The following SFMBT1 variants were observed in gnomAD, a reference collection of about 807,000 sequenced individuals.
SFMBT1 encodes the protein Scm like with four mbt domains 1, also known as scm-like with four MBT domains protein 1.
Under a neutral mutation model 108.7 loss-of-function variants are expected in SFMBT1, and 32 were observed. That is an observed-to-expected ratio of 0.29 (90% CI 0.22 to 0.40). The LOEUF (loss-of-function observed/expected upper bound fraction) is 0.40. Among genes scored for constraint, SFMBT1 ranks in the 10% least tolerant of loss-of-function variants. SFMBT1 has a pLI of 1.00. For synonymous variants in SFMBT1, 348 were observed against 369.5 expected (o/e 0.94, Z 0.67); for missense variants, 816 against 1,059.6 (o/e 0.77, Z 3.19).
intron 2 of SFMBT1, among the ~76,000 whole-genome samples, chr3:52,964,551 G>A (rs192958082): frequency 5.1e-4 from 78 of 152,240 alleles, no homozygotes; most frequent in Admixed American, 4.3e-3. Flanking sequence ...GTATTTTCTA[G>A]CTATGTCTGT....
chr3:53,000,230 C>T (rs1269730637), intron 1 of SFMBT1, among the ~76,000 whole-genome samples: 1 of 147,038 alleles, frequency 6.8e-6, no homozygotes, highest in Non-Finnish European at 1.5e-5. Flanking sequence ...CGGTTTTATT[C>T]CTCCCTTTGT....
chr3:52,958,485 G>A (rs1256499642), intron 2 of SFMBT1, among the ~76,000 whole-genome samples: 1 of 152,204 alleles, frequency 6.6e-6, no homozygotes, highest in Non-Finnish European at 1.5e-5. Flanking sequence ...CATCTACTCA[G>A]GAGGCTGAGG....
intron 1 of SFMBT1, among the ~76,000 whole-genome samples, chr3:53,026,241 T>G (rs569347510): frequency 6.8e-4 from 103 of 152,254 alleles, no homozygotes; most frequent in African/African-American, 2.4e-3. Context: ...AAAAAGGCAC[T>G]TCATCTCTTC....
intron 4 of SFMBT1, among the ~76,000 whole-genome samples, chr3:52,938,667 T>A (rs1326407376): frequency 1.3e-5 from 2 of 151,980 alleles, no homozygotes; most frequent in East Asian, 3.9e-4. Flanking sequence ...ATTAGTGGGC[T>A]TATACAACTA....
At chr3:53,012,767 A>C (rs2106930495) in intron 1 of SFMBT1, among the ~76,000 whole-genome samples, 1 of 151,774 alleles carries the variant, frequency 6.6e-6, no homozygotes, top group Admixed American at 6.5e-5. Context: ...CCAAAAGTCA[A>C]AGGTTAGGGC....
chr3:52,945,914 G>A lies in SFMBT1; in HGVS notation c.124-2321C>T, dbSNP rs548103792. The stretch of plus-strand genomic sequence containing the variant: ...ACAGGATATCTGCAAAATCTCAAAG[G>A]TTCTCCCAGTAAGATTCTTATTAAC... On this transcript the variant is annotated intron_variant, in intron 3 of 20. Coordinates refer to ENST00000394752, the MANE Select transcript of SFMBT1 (RefSeq NM_016329.4). Among the ~76,000 whole-genome samples, 231 of 152,134 alleles carry A rather than the reference G, an allele frequency of 1.5e-3. 1 individual carries two copies. The highest frequency in any genetic ancestry group is 5.4e-3 in the African/African-American group (225 of 41,510).
intron 5 of SFMBT1, 68 bp downstream of exon 5, chr3:52,934,744 AC>A: frequency 7.5e-7 from 1 of 1,326,060 alleles, no homozygotes. Flanking sequence ...TAAATAAGCA[AC>A]CGATTTTAAG....
rs182919551 is a variant in SFMBT1, at chr3:52,972,873, C to T, written c.-130-3615G>A. ...ACACACACACACACACACACACACA[C>T]ACTAGCTGAGTGTGGTCGCGGGCAC... On this transcript the variant is annotated intron_variant, in intron 1 of 20. Transcript: ENST00000394752. 8.8e-4 allele frequency among the ~76,000 whole-genome samples: 132 copies of T among 150,204 alleles called. 1 individual carries two copies. The highest frequency in any genetic ancestry group is 3.0e-3 in the African/African-American group (120 of 40,242).
chr3:52,980,745 T>C (rs928943159), intron 1 of SFMBT1, among the ~76,000 whole-genome samples: 2 of 152,102 alleles, frequency 1.3e-5, no homozygotes, highest in African/African-American at 4.8e-5. Flanking sequence ...TTGTGTGAAT[T>C]ATGTTTTTAT....
At chr3:52,965,362 G>A in intron 2 of SFMBT1, among the ~76,000 whole-genome samples, 1 of 149,638 alleles carries the variant, frequency 6.7e-6, no homozygotes, top group Non-Finnish European at 1.5e-5. Context: ...GGACCTGTGG[G>A]ACAATAAGAT....
intron 1 of SFMBT1, among the ~76,000 whole-genome samples, chr3:52,977,185 CA>C (rs555023977): frequency 5.5e-4 from 83 of 152,182 alleles, no homozygotes; most frequent in African/African-American, 1.8e-3. Flanking sequence ...TAGCAAGAAC[CA>C]AAATGTTTGC....
intron 1 of SFMBT1, among the ~76,000 whole-genome samples, chr3:53,042,128 T>G (rs1700078140): frequency 6.6e-6 from 1 of 152,240 alleles, no homozygotes; most frequent in African/African-American, 2.4e-5. Flanking sequence ...TTTTGGTTTT[T>G]GGACTGTATC....
chr3:52,914,812 T>C (rs1702305331), intron 14 of SFMBT1, among the ~76,000 whole-genome samples: 1 of 152,174 alleles, frequency 6.6e-6, no homozygotes, highest in South Asian at 2.1e-4. Context: ...ACATTTCCAG[T>C]TGAACCCTGC....
chr3:53,045,610 C>G (rs1288886685), intron 1 of SFMBT1, among the ~76,000 whole-genome samples: 1 of 141,102 alleles, frequency 7.1e-6, no homozygotes, highest in African/African-American at 2.5e-5. Flanking sequence ...GCCGCGCTCC[C>G]CCCGCCCCGC....
intron 1 of SFMBT1, among the ~76,000 whole-genome samples, chr3:53,016,749 T>C (rs1699139621): frequency 6.7e-6 from 1 of 149,520 alleles, no homozygotes; most frequent in Non-Finnish European, 1.5e-5. Context: ...TTTCACTCTC[T>C]TTATGTCGTC....
chr3:53,016,726 C>T (rs192733659), intron 1 of SFMBT1, among the ~76,000 whole-genome samples: 90 of 152,258 alleles, frequency 5.9e-4, no homozygotes, highest in African/African-American at 1.8e-3. Flanking sequence ...TTCTCCCATT[C>T]TGTGGCTCAT....
intron 10 of SFMBT1, 87 bp from the exon 11 acceptor site, chr3:52,921,918 C>T (rs182390281): frequency 3.9e-6 from 5 of 1,281,612 alleles, no homozygotes; most frequent in Admixed American, 3.7e-5. Flanking sequence ...TCAAGTAGTA[C>T]TTAATCCCTA....
At position 52,921,774 on chromosome 3, in the gene SFMBT1, G is replaced by T; in HGVS notation, c.1189C>A (p.Leu397Ile). 3 of 1,614,104 alleles carry T rather than the reference G, an allele frequency of 1.9e-6. No homozygotes were observed. The highest frequency in any genetic ancestry group is 2.5e-6 in the Non-Finnish European group (3 of 1,179,992). Residue 397 changes from leucine to isoleucine, a missense_variant, in exon 11 of 21, where the codon CTC becomes ATC. By Grantham distance (5) the Leu-to-Ile change is conservative (BLOSUM62 2). Coordinates refer to ENST00000394752, the MANE Select transcript of SFMBT1 (RefSeq NM_016329.4). ...GTAGCAACACACACTTCTTCAGGGAGAATGGGGTTCACCGCCTCGAGCTTC... is the reference window on the plus strand; with the variant it reads ...GTAGCAACACACACTTCTTCAGGGATAATGGGGTTCACCGCCTCGAGCTTC... ...NMKLEAVNPI[L>I]PEEVCVATIT...
chr3:52,966,455 C>A (rs1354849058), intron 2 of SFMBT1, among the ~76,000 whole-genome samples: 8 of 150,996 alleles, frequency 5.3e-5, no homozygotes, highest in Non-Finnish European at 1.0e-4. Flanking sequence ...GAAACCCCGT[C>A]TCTACTAAAA....
Sources: gnomAD v4.1 joint callset for allele counts (sites outside exome capture counted in the v4.1 genomes callset) on GRCh38, gnomAD v4.1.1 for gene constraint, MANE v1.5 for transcripts, NCBI Gene and HGNC (gene_info 2026-07-23, HGNC 2026-07-21) for gene names.